ROR1: variants seen among roughly 807,000 people sequenced by gnomAD.
ROR1 encodes inactive tyrosine-protein kinase transmembrane receptor ROR1.
In ROR1, 19 loss-of-function variants were observed where a neutral mutation model predicts 78.8. The ratio of observed to expected loss-of-function variants is 0.24; its 90% confidence interval spans 0.17 to 0.35. ROR1 has a LOEUF of 0.35. ROR1 is among the 10% of genes least tolerant of loss of function. The pLI, the probability that ROR1 is intolerant of heterozygous loss-of-function variation, is 1.00. For missense variants in ROR1, 917 were observed against 1,177.8 expected (o/e 0.78, Z 3.24); for synonymous variants, 386 against 433.6 (o/e 0.89, Z 1.36).
At chr1:64,020,221 A>G (rs1187220501) in intron 2 of ROR1, among the ~76,000 whole-genome samples, 1 of 152,226 alleles carries the variant, frequency 6.6e-6, no homozygotes, top group Non-Finnish European at 1.5e-5. Context: ...ACATCAGGAA[A>G]CTAAGAGAGA....
chr1:63,941,329 TAC>T (rs957254089), intron 1 of ROR1, among the ~76,000 whole-genome samples: 7 of 152,152 alleles, frequency 4.6e-5, no homozygotes, highest in Admixed American at 1.3e-4. Flanking sequence ...AAAAAATAAA[TAC>T]ACACACAGAA....
At chr1:64,051,759 C>T (rs913974646) in intron 4 of ROR1, among the ~76,000 whole-genome samples, 1 of 152,084 alleles carries the variant, frequency 6.6e-6, no homozygotes, top group Non-Finnish European at 1.5e-5. Context: ...AAAACTCTTA[C>T]TCTACAAAAA....
intron 4 of ROR1, among the ~76,000 whole-genome samples, chr1:64,131,389 C>T (rs1474219499): frequency 6.6e-6 from 1 of 152,080 alleles, no homozygotes; most frequent in Non-Finnish European, 1.5e-5. Context: ...AACAAAAGAA[C>T]CTGCTGATAC....
At chr1:64,173,418 A>G (rs1650293830) in intron 8 of ROR1, among the ~76,000 whole-genome samples, 1 of 152,194 alleles carries the variant, frequency 6.6e-6, no homozygotes, top group Admixed American at 6.5e-5. Context: ...ATAATTCCAT[A>G]GAGTGACCAC....
At chr1:64,017,722 A>G (rs1471304254) in intron 2 of ROR1, among the ~76,000 whole-genome samples, 1 of 152,188 alleles carries the variant, frequency 6.6e-6, no homozygotes, top group Non-Finnish European at 1.5e-5. Context: ...GGTGCTCTGC[A>G]GATGGCTGTG....
chr1:63,831,971 A>T (rs1324675248), intron 1 of ROR1, among the ~76,000 whole-genome samples: 1 of 152,040 alleles, frequency 6.6e-6, no homozygotes, highest in East Asian at 1.9e-4. Context: ...TATCCAAACC[A>T]TCTCTCTCAA....
At chr1:63,963,626 GA>G (rs1307972020) in intron 1 of ROR1, among the ~76,000 whole-genome samples, 1 of 151,220 alleles carries the variant, frequency 6.6e-6, no homozygotes, top group African/African-American at 2.4e-5. Context: ...AGAAAAAAAA[GA>G]ATTCTGATTT....
chr1:64,056,940 A>C (rs1245743130), intron 4 of ROR1, among the ~76,000 whole-genome samples: 1 of 152,030 alleles, frequency 6.6e-6, no homozygotes. Flanking sequence ...TGATTTGCAA[A>C]TATTTTCATT....
chr1:63,994,220 G>C (rs1335078634), intron 1 of ROR1, among the ~76,000 whole-genome samples: 2 of 151,842 alleles, frequency 1.3e-5, no homozygotes, highest in African/African-American at 4.8e-5. Flanking sequence ...CTTTCTGATT[G>C]GTAGGAAATT....
intron 1 of ROR1, among the ~76,000 whole-genome samples, chr1:63,817,814 G>T (rs968263675): frequency 1.3e-5 from 2 of 152,190 alleles, no homozygotes; most frequent in African/African-American, 4.8e-5. Context: ...GGAGGCCAGG[G>T]CTGGCTGGTT....
chr1:63,803,457 C>A (rs1644808179), intron 1 of ROR1, among the ~76,000 whole-genome samples: 1 of 151,940 alleles, frequency 6.6e-6, no homozygotes, highest in African/African-American at 2.4e-5. Context: ...AATTCTCCTG[C>A]CTCAGTCTCC....
At chr1:63,821,831 G>A (rs922027446) in intron 1 of ROR1, among the ~76,000 whole-genome samples, 1 of 152,176 alleles carries the variant, frequency 6.6e-6, no homozygotes, top group East Asian at 1.9e-4. Context: ...AGTGACTTAA[G>A]CCCAGCTATT....
chr1:64,068,582 A>G (rs74081067), intron 4 of ROR1, among the ~76,000 whole-genome samples: 1,770 of 152,268 alleles, frequency 0.012, 36 homozygotes, highest in African/African-American at 0.038. Flanking sequence ...ATGATACCTT[A>G]ATTTATAAAG....
At chr1:63,929,151 T>A (rs1296286758) in intron 1 of ROR1, among the ~76,000 whole-genome samples, 1 of 152,198 alleles carries the variant, frequency 6.6e-6, no homozygotes, top group Non-Finnish European at 1.5e-5. Context: ...TTCTCTTTCT[T>A]CCCTTTTCTT....
intron 4 of ROR1, among the ~76,000 whole-genome samples, chr1:64,080,355 A>T (rs969819332): frequency 1.4e-4 from 21 of 152,218 alleles, no homozygotes; most frequent in Non-Finnish European, 2.6e-4. Flanking sequence ...AGCCGCTCTC[A>T]ACAAAGAATC....
intron 2 of ROR1, among the ~76,000 whole-genome samples, chr1:64,042,070 G>T (rs1362657373): frequency 6.6e-6 from 1 of 152,152 alleles, no homozygotes; most frequent in Non-Finnish European, 1.5e-5. Context: ...GAGGATTTTT[G>T]AGGAATAAGT....
chr1:63,937,110 T>C (rs537265310), intron 1 of ROR1, among the ~76,000 whole-genome samples: 1 of 152,210 alleles, frequency 6.6e-6, no homozygotes. Flanking sequence ...TGGGCCAAGA[T>C]GTTATTAATT....
chr1:63,813,135 A>ATCAT (rs766697931), intron 1 of ROR1, among the ~76,000 whole-genome samples: 20 of 152,192 alleles, frequency 1.3e-4, no homozygotes, highest in Non-Finnish European at 2.4e-4. Context: ...GAAGTTACTC[A>ATCAT]TCATTAGAAG....
intron 1 of ROR1, among the ~76,000 whole-genome samples, chr1:63,794,581 A>T (rs1644747502): frequency 6.6e-6 from 1 of 152,184 alleles, no homozygotes; most frequent in Non-Finnish European, 1.5e-5. Flanking sequence ...CTGTTATCAG[A>T]GGCCAGAGGG....
Sources: gnomAD v4.1 joint callset for allele counts (sites outside exome capture counted in the v4.1 genomes callset) on GRCh38, gnomAD v4.1.1 for gene constraint, MANE v1.5 for transcripts, NCBI Gene and HGNC (gene_info 2026-07-23, HGNC 2026-07-21) for gene names.